Variants in SNED1 observed in about 807,000 individuals in gnomAD.
SNED1 encodes the protein sushi, nidogen and EGF like domains 1.
Under a neutral mutation model 166.7 loss-of-function variants are expected in SNED1, and 81 were observed. That is an observed-to-expected ratio of 0.49 (90% CI 0.41 to 0.58). SNED1 has a LOEUF of 0.58. Ranked by LOEUF, SNED1 falls within the 20% of genes least tolerant of loss-of-function variation. The pLI, the probability that SNED1 is intolerant of heterozygous loss-of-function variation, is 0.00. For synonymous variants in SNED1, 762 were observed against 822.0 expected (o/e 0.93, Z 1.25); for missense variants, 1,604 against 2,000.2 (o/e 0.80, Z 3.78).
In SNED1 at chr2:241,030,696, A is replaced by G. The variant is rs946371021; in HGVS notation, c.501+125A>G. ...TCACTGGTCCATACCCAAGAGGGGA[A>G]CACGTGGTCAAAACCACAGAGCCAG... On this transcript the variant is annotated intron_variant, in intron 2 of 31. Coordinates refer to ENST00000310397, the MANE Select transcript of SNED1 (RefSeq NM_001080437.3). 9.7e-6 allele frequency: 10 copies of G among 1,033,318 alleles called. No homozygotes were observed. The Admixed American group carries it at 2.2e-4, about 23-fold the overall frequency. The allele number at this position is 1,033,318 out of a possible 1,614,324, so 64.0% of individuals were successfully genotyped here.
At chr2:241,037,889 G>A (rs961832156) in intron 6 of SNED1, among the ~76,000 whole-genome samples, 7 of 152,200 alleles carry the variant, frequency 4.6e-5, no homozygotes, top group Admixed American at 3.9e-4. Context: ...AGCCTAGGTG[G>A]GGCCTGGAGT....
Position 241,082,230 on chromosome 2 carries a change from G to A in SNED1, c.4034-47G>A. On this transcript the variant is annotated intron_variant, in intron 28 of 31. Transcript: ENST00000310397. Reference sequence around the variant, plus strand: ...GCAAGGCCTCTCAAGAGGGGCAGGAGGAGCCGTCAGGAGCACCTGGTGAGC... The same window carrying A: ...GCAAGGCCTCTCAAGAGGGGCAGGAAGAGCCGTCAGGAGCACCTGGTGAGC... 4 of 1,482,072 alleles carry A rather than the reference G, an allele frequency of 2.7e-6. No homozygotes were observed. The South Asian group carries it at 4.6e-5, about 17-fold the overall frequency. The allele number at this position is 1,482,072 out of a possible 1,614,324, so 91.8% of individuals were successfully genotyped here. A position where few individuals can be genotyped will look rare whatever the true frequency, so the allele number is the denominator to read the frequency against.
chr2:241,082,912 G>A (rs1443975611), intron 29 of SNED1, among the ~76,000 whole-genome samples: 1 of 151,832 alleles, frequency 6.6e-6, no homozygotes, highest in Non-Finnish European at 1.5e-5. Context: ...AGCACCTGCT[G>A]TGTGCCGGGC....
intron 21 of SNED1, 100 bp downstream of exon 21, chr2:241,065,695 C>T: frequency 9.7e-7 from 1 of 1,025,694 alleles, no homozygotes. Flanking sequence ...CGTCCACCCT[C>T]CTAGTTCTTG....
chr2:241,029,659 G>A (rs1315580653), intron 1 of SNED1, among the ~76,000 whole-genome samples: 1 of 152,246 alleles, frequency 6.6e-6, no homozygotes, highest in Admixed American at 6.5e-5. Context: ...CATGGAGTGT[G>A]GGGCCAGGAT....
chr2:241,005,314 C>T (rs1396994088), intron 1 of SNED1, among the ~76,000 whole-genome samples: 2 of 152,098 alleles, frequency 1.3e-5, no homozygotes, highest in Non-Finnish European at 2.9e-5. Context: ...AATGATTCTC[C>T]TGCCTCAGCC....
rs555921934 is a variant in SNED1 at position 241,010,808 on chromosome 2, G to C, written c.213+11758G>C. ...CTACCTGGGACTGTAACATCCAGGT[G>C]GCAATCTTGTTTTTCTCAGCAGCTG... On this transcript the variant is annotated intron_variant, in intron 1 of 31. Transcript: ENST00000310397. 2.6e-5 allele frequency: 4 copies of C among 152,902 alleles called. No homozygotes were observed. In the East Asian group the frequency reaches 7.7e-4, roughly 29 times the overall value. The allele number at this position is 152,902 out of a possible 1,614,324, so 9.5% of individuals were successfully genotyped here.
In SNED1 at chr2:241,034,645, G is replaced by C; in HGVS notation, c.720G>C (p.Glu240Asp). The change falls in exon 4 of 32, where the codon GAG (glutamate) becomes GAC (aspartate). Residue 240 changes from glutamate (E) to aspartate (D), a missense_variant. This residue lies in a region of SNED1 where 1,237 missense variants were observed against 1,620.8 expected (regional missense o/e 0.76). Coordinates refer to ENST00000310397, the MANE Select transcript of SNED1 (RefSeq NM_001080437.3). ...GCACAGCAGACATGGCCGAGGTGGA[G>C]ACCACCACCAACGTGGGTGTGCCCG... is the stretch of plus-strand genomic sequence containing the variant. ...GSRTADMAEV[E>D]TTTNVGVPGR... 1 of 1,611,718 alleles carries C rather than the reference G, an allele frequency of 6.2e-7. No individual in the cohort carries two copies. Among genetic ancestry groups the C allele is most frequent in the Non-Finnish European group, 8.5e-7 (1 of 1,179,466 alleles).
chr2:241,001,630 A>G (rs746603528), intron 1 of SNED1, among the ~76,000 whole-genome samples: 2 of 152,238 alleles, frequency 1.3e-5, no homozygotes, highest in Non-Finnish European at 2.9e-5. Flanking sequence ...CAGTGTCTGC[A>G]TTAAGACGGA....
chr2:241,052,589 G>C lies in SNED1; in HGVS notation c.2083+121G>C, dbSNP rs879247383. 6,482 of 779,246 alleles carry C rather than the reference G, an allele frequency of 8.3e-3. 168 individuals carry two copies. The highest frequency in any genetic ancestry group is 0.025 in the South Asian group (1,364 of 55,410). 48.3% of individuals were successfully genotyped at this position (779,246 alleles called of 1,614,324 possible). On this transcript the variant is annotated intron_variant, in intron 15 of 31. Transcript: ENST00000310397. Reference sequence around the variant, plus strand: ...GCCAGGCAGGTGAGAGGGCCAGGGGGCCAAGCAGGATATATGGGATACCAG... The same window carrying C: ...GCCAGGCAGGTGAGAGGGCCAGGGGCCCAAGCAGGATATATGGGATACCAG...
intron 31 of SNED1, chr2:241,089,983 G>A (rs938236587): frequency 1.3e-6 from 2 of 1,548,570 alleles, no homozygotes; most frequent in East Asian, 4.9e-5. Context: ...GGTATACCTG[G>A]GCAGGGCGCT....
At position 241,095,270 on chromosome 2, in the gene SNED1, C is replaced by G. The variant is rs1313028603; in HGVS notation, c.*3634C>G. The G allele has an allele frequency of 6.5e-6, 1 of 152,732 alleles. No individual in the cohort carries two copies. Among genetic ancestry groups the G allele is most frequent in the East Asian group, 1.9e-4 (1 of 5,206 alleles). The allele number at this position is 152,732 out of a possible 1,614,324, so 9.5% of individuals were successfully genotyped here. A position where few individuals can be genotyped will look rare whatever the true frequency, so the allele number is the denominator to read the frequency against. ...GGCCAGCACAGTCTGGCACTACAGA[C>G]TACAGGGCCGGAGACACCAGGCTTG... On this transcript the variant is annotated 3_prime_UTR_variant, in exon 32 of 32. Coordinates refer to ENST00000310397, the MANE Select transcript of SNED1 (RefSeq NM_001080437.3).
At chr2:241,058,949 CAA>C (rs761376815) in intron 16 of SNED1, among the ~76,000 whole-genome samples, 1 of 130,834 alleles carries the variant, frequency 7.6e-6, no homozygotes, top group Admixed American at 7.7e-5. Context: ...GACTCTGTTT[CAA>C]AAAAAAAAAA....
rs757578788 is a variant in SNED1, at chr2:241,063,543, C to G, written c.2372-44C>G. The G allele has an allele frequency of 2.9e-6, 4 of 1,380,222 alleles. No individual in the cohort carries two copies. The South Asian group carries it at 3.7e-5, about 13-fold the overall frequency. The allele number at this position is 1,380,222 out of a possible 1,614,324, so 85.5% of individuals were successfully genotyped here. A position where few individuals can be genotyped will look rare whatever the true frequency, so the allele number is the denominator to read the frequency against. On this transcript the variant is annotated intron_variant, in intron 17 of 31. Coordinates refer to ENST00000310397, the MANE Select transcript of SNED1 (RefSeq NM_001080437.3). The stretch of plus-strand genomic sequence containing the variant: ...GAATCCTGGGGGCATGTGGGCGCCT[C>G]AGACTTGAGCCAGCAACACCCTTGA...
chr2:241,063,954 C>T (rs2062329681), intron 18 of SNED1, 58 bp from the exon 19 acceptor site: 8 of 1,278,714 alleles, frequency 6.3e-6, no homozygotes, highest in Non-Finnish European at 4.4e-6. Context: ...GCTGTCCTCT[C>T]CTCCCTCCCC....
At chr2:241,086,884 A>G (rs148250625) in intron 29 of SNED1, among the ~76,000 whole-genome samples, 32 of 152,396 alleles carry the variant, frequency 2.1e-4, no homozygotes, top group South Asian at 1.4e-3. Flanking sequence ...ACCGAGGCTT[A>G]AAACTTGAAG....
At chr2:241,053,409 A>G in intron 16 of SNED1, 83 bp downstream of exon 16, 1 of 1,401,522 alleles carries the variant, frequency 7.1e-7, no homozygotes, top group South Asian at 1.4e-5. Context: ...CAGGGGCTGC[A>G]GGCCCAAGCC....
intron 18 of SNED1, 54 bp downstream of exon 18, chr2:241,063,754 CAG>C: frequency 7.7e-7 from 1 of 1,303,222 alleles, no homozygotes; most frequent in South Asian, 1.3e-5. Flanking sequence ...TCTGGAAGAT[CAG>C]AGAGGAGGTG....
intron 8 of SNED1, among the ~76,000 whole-genome samples, chr2:241,041,697 CAA>C (rs1215178165): frequency 2.6e-5 from 4 of 151,796 alleles, no homozygotes; most frequent in Non-Finnish European, 5.9e-5. Context: ...TAAAAAAAAA[CAA>C]AAGAGGAAGA....
Sources: allele counts gnomAD v4.1 joint callset (sites outside exome capture counted in the v4.1 genomes callset), GRCh38; gene constraint gnomAD v4.1.1; regional missense constraint gnomAD v4.1.1; transcripts MANE v1.5; gene names NCBI Gene and HGNC (gene_info 2026-07-23, HGNC 2026-07-21).